The following AHNAK2 variants were observed in gnomAD, a reference collection of about 807,000 sequenced individuals.
AHNAK2 encodes protein AHNAK2.
AHNAK2 carries 18 observed loss-of-function variants against 30.7 expected under a neutral mutation model. The observed-to-expected ratio is 0.59, with a 90% CI of 0.41 to 0.87. The LOEUF is 0.87. Among genes scored for constraint, AHNAK2 ranks in the 40% least tolerant of loss-of-function variants. The pLI, the probability that AHNAK2 is intolerant of heterozygous loss-of-function variation, is 0.00. For synonymous variants in AHNAK2, 3,590 were observed against 3,073.8 expected (o/e 1.17, Z -5.56); for missense variants, 8,604 against 7,373.0 (o/e 1.17, Z -6.11).
Position 104,957,285 on chromosome 14 carries a change from A to C in AHNAK2, c.213+125T>G, listed in dbSNP as rs371769933. ...ACAGAGGAGTCTGAGAGGACATCTG[A>C]GTGGGCACTGCCCAGTGGGCAGCGG... On this transcript the variant is annotated intron_variant, in intron 3 of 6. Coordinates refer to ENST00000333244, the MANE Select transcript of AHNAK2 (RefSeq NM_138420.4). 6.0e-5 allele frequency: 52 copies of C among 867,714 alleles called. No individual in the cohort carries two copies. The African/African-American group carries it at 8.1e-4, about 14-fold the overall frequency. The allele number at this position is 867,714 out of a possible 1,614,324, so 53.8% of individuals were successfully genotyped here.
intron 1 of AHNAK2, among the ~76,000 whole-genome samples, 158 bp from the exon 2 acceptor site, chr14:104,957,830 T>C (rs1283620761): frequency 6.6e-6 from 1 of 152,270 alleles, no homozygotes; most frequent in South Asian, 2.1e-4. Context: ...GGAAGATCTA[T>C]AGCCAATGGG....
At position 104,968,186 on chromosome 14, in the gene AHNAK2, G is replaced by A. The variant is rs575284559; in HGVS notation, c.55+9997C>T. Among the ~76,000 whole-genome samples the A allele has an allele frequency of 7.9e-5, 12 of 152,322 alleles. No homozygotes were observed. The East Asian group carries it at 1.7e-3, about 22-fold the overall frequency. On this transcript the variant is annotated intron_variant, in intron 1 of 6. Transcript: ENST00000333244. ...TCAACACTACCATTAACATTCCTGC[G>A]GGTGAAAACTTGAACCTTGTGGAGG...
rs1297439627 is a variant in AHNAK2 at position 104,945,793 on chromosome 14, C to T, written c.9658G>A (p.Ala3220Thr). The T allele has an allele frequency of 6.4e-7, 1 of 1,561,094 alleles. No homozygotes were observed. The change falls in exon 7 of 7, where the codon GCT becomes ACT. Residue 3220 changes from alanine to threonine, a missense_variant. Transcript: ENST00000333244. ...KLPEGHVLEG[A>T]GLKGHLPKLQ... is the part of the protein sequence containing the mutation. ...TTGGGCAGGTGCCCTTTGAGGCCAG[C>T]TCCCTCGAGAACGTGGCCCTCTGGG...
Position 104,942,371 on chromosome 14 carries a change from G to T in AHNAK2, c.13080C>A (p.Gly4360=), listed in dbSNP as rs760579209. The change falls in exon 7 of 7, where the codon GGC becomes GGA. Residue 4360 remains glycine (G), a synonymous_variant. Transcript: ENST00000333244. The stretch of plus-strand genomic sequence containing the variant: ...CCTCTGGGAGTTTCACATCCTCTTG[G>T]CCAGCCTGGACCTCCAGATCAGCGG... ...PPSADLEVQA[G]QEDVKLPEGP... is the part of the protein sequence containing the mutation. The T allele has an allele frequency of 3.7e-6, 6 of 1,612,838 alleles. No homozygotes were observed. The highest frequency in any genetic ancestry group is 1.1e-5 in the South Asian group (1 of 91,064).
Position 104,943,002 on chromosome 14 carries a change from T to C in AHNAK2, c.12449A>G (p.Lys4150Arg), listed in dbSNP as rs756636819. Residue 4150 changes from lysine (K) to arginine (R), a missense_variant, in exon 7 of 7, where the codon AAG becomes AGG. Transcript: ENST00000333244. The stretch of plus-strand genomic sequence containing the variant: ...CACATCCACGGACGCCTCCATGGAC[T>C]TGCCTGGGGCCGACACCCCGAATGA... ...MPSFGVSAPG[K>R]SMEASVDVSE... 2 of 1,613,108 alleles carry C rather than the reference T, an allele frequency of 1.2e-6. No homozygotes were observed. Among genetic ancestry groups the C allele is most frequent in the African/African-American group, 2.7e-5 (2 of 74,736 alleles).
chr14:104,970,174 T>C (rs1482652704), intron 1 of AHNAK2, among the ~76,000 whole-genome samples: 1 of 152,140 alleles, frequency 6.6e-6, no homozygotes, highest in African/African-American at 2.4e-5. Context: ...CTTGGTGTCC[T>C]GCCACACACC....
At position 104,942,928 on chromosome 14, in the gene AHNAK2, C is replaced by T. The variant is rs767423130; in HGVS notation, c.12523G>A (p.Asp4175Asn). The T allele has an allele frequency of 4.3e-6, 7 of 1,613,110 alleles. No homozygotes were observed. The highest frequency in any genetic ancestry group is 1.3e-5 in the African/African-American group (1 of 74,722). The part of the protein sequence containing the change: ...ADVSLPSMQG[D>N]LKTTDLSIQS... ...ATGCTGAGGTCAGTGGTCTTGAGGT[C>T]CCCCTGCATGGAGGGGAGGCTCACG... Residue 4175 changes from aspartate (D) to asparagine (N), a missense_variant, in exon 7 of 7, where the codon GAC becomes AAC. Physicochemically the swap from Asp to Asn is conservative, Grantham distance 23 (BLOSUM62 1). Coordinates refer to ENST00000333244, the MANE Select transcript of AHNAK2 (RefSeq NM_138420.4).
Position 104,943,669 on chromosome 14 carries a change from C to A in AHNAK2, c.11782G>T (p.Glu3928Ter). 1 of 1,612,164 alleles carries A rather than the reference C, an allele frequency of 6.2e-7. No homozygotes were observed. Among genetic ancestry groups the A allele is most frequent in the Non-Finnish European group, 8.5e-7 (1 of 1,179,304 alleles). The change falls in exon 7 of 7, where the codon GAG becomes TAG. Residue 3928 changes from glutamate (E) to a stop codon, truncating the protein, a stop_gained. Coordinates refer to ENST00000333244, the MANE Select transcript of AHNAK2 (RefSeq NM_138420.4). LOFTEE classifies it low-confidence loss of function (END_TRUNC). ...ACCTCCACGCTGGGCAGAGAAACCT[C>A]CACATCAGGGGCTGTCACTTCCACC... The part of the protein sequence containing the change: ...PKVEVTAPDV[E>*]VSLPSVEVDV...
Position 104,946,716 on chromosome 14 carries a change from T to C in AHNAK2, c.8735A>G (p.Lys2912Arg), listed in dbSNP as rs534547213. Residue 2912 changes from lysine (K) to arginine (R), a missense_variant, in exon 7 of 7, where the codon AAG becomes AGG. By Grantham distance (26) the Lys-to-Arg change is conservative. Transcript: ENST00000333244. Reference protein sequence around the residue: ...PSFKMPKVDLKGPQIDVKGPK... With the variant: ...PSFKMPKVDLRGPQIDVKGPK... ...GCCCTTGACGTCTATCTGGGGGCCC[T>C]TGAGATCCACTTTGGGCATCTTGAA... 8.1e-6 allele frequency: 13 copies of C among 1,612,560 alleles called. No individual in the cohort carries two copies. In the East Asian group the frequency reaches 2.5e-4, roughly 31 times the overall value.
At position 104,940,765 on chromosome 14, in the gene AHNAK2, G is replaced by C. The variant is rs774438863; in HGVS notation, c.14686C>G (p.Leu4896Val). Residue 4896 changes from leucine to valine, a missense_variant, in exon 7 of 7, where the codon CTT (leucine) becomes GTT (valine). Leu to Val is a conservative substitution (Grantham distance 32, BLOSUM62 1). Transcript: ENST00000333244. This position sits in a 1 kb window ranked among gnomAD's most constrained non-coding sequence, Gnocchi z 4.4. Reference sequence around the variant, plus strand: ...CACTGCACTCTTTCTCCAGGGCTAAGAGGAGACATGACTGGGGCACCCACT... The same window carrying C: ...CACTGCACTCTTTCTCCAGGGCTAACAGGAGACATGACTGGGGCACCCACT... Reference protein sequence around the residue: ...AAVGAPVMSPLSPGERVQCPL... With the variant: ...AAVGAPVMSPVSPGERVQCPL... 8 of 1,612,992 alleles carry C rather than the reference G, an allele frequency of 5.0e-6. No individual in the cohort carries two copies. Among genetic ancestry groups the C allele is most frequent in the Non-Finnish European group, 6.8e-6 (8 of 1,179,886 alleles).
In AHNAK2 at chr14:104,950,373, C is replaced by T. The variant is rs750979596; in HGVS notation, c.5078G>A (p.Ser1693Asn). 117 of 1,586,352 alleles carry T rather than the reference C, an allele frequency of 7.4e-5. 9 individuals carry two copies. Among genetic ancestry groups the T allele is most frequent in the Non-Finnish European group, 9.5e-5 (110 of 1,162,808 alleles). Residue 1693 changes from serine to asparagine, a missense_variant, in exon 7 of 7, where the codon AGC becomes AAC. Physicochemically the swap from Ser to Asn is conservative, Grantham distance 46. Transcript: ENST00000333244. ...VSEPKVEADV[S>N]LPSMQGDLKT... is the part of the protein sequence containing the mutation. Reference sequence around the variant, plus strand: ...CAGGTCCCCCTGCATGGAGGGGAGGCTCACATCAGCTTCCACCTTCGGCTC... The same window carrying T: ...CAGGTCCCCCTGCATGGAGGGGAGGTTCACATCAGCTTCCACCTTCGGCTC...
rs1325862828 is a variant in AHNAK2, at chr14:104,946,761, G to A, written c.8690C>T (p.Pro2897Leu). ...CTTGAAACTGGGCATCTGCACCTTG[G>A]GCAGGTGCCCTTTGAGGCCGGCTCC... Reference protein sequence around the residue: ...PEGAGLKGHLPKVQMPSFKMP... With the variant: ...PEGAGLKGHLLKVQMPSFKMP... The change falls in exon 7 of 7, where the codon CCC (proline) becomes CTC (leucine). Residue 2897 changes from proline (P) to leucine (L), a missense_variant. By Grantham distance (98) the Pro-to-Leu change is moderately conservative. Coordinates refer to ENST00000333244, the MANE Select transcript of AHNAK2 (RefSeq NM_138420.4). The A allele has an allele frequency of 6.2e-7, 1 of 1,612,712 alleles. No homozygotes were observed.
At position 104,952,197 on chromosome 14, in the gene AHNAK2, TC is replaced by T; in HGVS notation, c.3253del (p.Glu1085ArgfsTer26). On this transcript the variant is annotated frameshift_variant, in exon 7 of 7. Coordinates refer to ENST00000333244, the MANE Select transcript of AHNAK2 (RefSeq NM_138420.4). LOFTEE classifies it low-confidence loss of function (END_TRUNC). ...TTTGGGCATCTTGAAACTGGGCATC[TC>T]CACCTTGGGCAAGTGCCCTTTAAGG... ...AGLKGHLPKVEMPSFKMPKVA... is the reference protein window; with the variant it reads ...AGLKGHLPKVXMPSFKMPKVA... 6.2e-7 allele frequency: 1 copy of T among 1,612,232 alleles called. No individual in the cohort carries two copies. Among genetic ancestry groups the T allele is most frequent in the Non-Finnish European group, 8.5e-7 (1 of 1,179,516 alleles).
chr14:104,968,507 A>G (rs1250459149), intron 1 of AHNAK2, among the ~76,000 whole-genome samples: 3 of 152,158 alleles, frequency 2.0e-5, no homozygotes, highest in Non-Finnish European at 4.4e-5. Context: ...GAGGACTCCC[A>G]CCAGCCACCA....
At position 104,945,411 on chromosome 14, in the gene AHNAK2, A is replaced by G. The variant is rs199795027; in HGVS notation, c.10040T>C (p.Met3347Thr). ...KAEADVSLPS[M>T]QGDLKTTDLS... ...GTCAGTGGTCTTGAGGTCCCCCTGC[A>G]TGGAGGGGAGGCTCACGTCGGCCTC... The change falls in exon 7 of 7, where the codon ATG becomes ACG. Residue 3347 changes from methionine to threonine, a missense_variant. Met to Thr is a moderately conservative substitution (Grantham distance 81). Transcript: ENST00000333244. 6.1e-5 allele frequency: 98 copies of G among 1,613,078 alleles called. No homozygotes were observed. Among genetic ancestry groups the G allele is most frequent in the African/African-American group, 5.6e-4 (42 of 74,794 alleles).
chr14:104,948,059 CCA>C lies in AHNAK2; in HGVS notation c.7390_7391del (p.Trp2464AlafsTer66), dbSNP rs1566908938. The stretch of plus-strand genomic sequence containing the variant: ...CCGCCACAGACAGGTCCCCCTCCAG[CCA>C]CGCACCATCCAGCTTGGCTCCCGGG... ...EAPGAKLDGA[W>X]LEGDLSVADK... On this transcript the variant is annotated frameshift_variant, in exon 7 of 7. Transcript: ENST00000333244. LOFTEE classifies it low-confidence loss of function (END_TRUNC). 4.3e-6 allele frequency: 7 copies of C among 1,613,056 alleles called. No individual in the cohort carries two copies. Among genetic ancestry groups the C allele is most frequent in the East Asian group, 2.2e-5 (1 of 44,838 alleles).
In AHNAK2 at chr14:104,953,337, A is replaced by C; in HGVS notation, c.2114T>G (p.Val705Gly). The C allele has an allele frequency of 6.2e-7, 1 of 1,612,960 alleles. No homozygotes were observed. Among genetic ancestry groups the C allele is most frequent in the Non-Finnish European group, 8.5e-7 (1 of 1,179,690 alleles). Residue 705 changes from valine to glycine, a missense_variant, in exon 7 of 7, where the codon GTG becomes GGG. Coordinates refer to ENST00000333244, the MANE Select transcript of AHNAK2 (RefSeq NM_138420.4). ...EASVDVSAPK[V>G]EADVSLLSMQ... is the part of the protein sequence containing the mutation. The stretch of plus-strand genomic sequence containing the variant: ...GGAGAGGAGGCTCACGTCGGCCTCC[A>C]CCTTCGGCGCAGACACATCCACCGA...
Position 104,948,931 on chromosome 14 carries a change from C to A in AHNAK2, c.6520G>T (p.Ala2174Ser), listed in dbSNP as rs201267408. 2 of 1,447,130 alleles carry A rather than the reference C, an allele frequency of 1.4e-6. No homozygotes were observed. Among genetic ancestry groups the A allele is most frequent in the Non-Finnish European group, 1.9e-6 (2 of 1,037,454 alleles). 89.6% of individuals were successfully genotyped at this position (1,447,130 alleles called of 1,614,324 possible). ...TTGGGTGGAGACACATCCACCGAGG[C>A]CTCGATGGACTTGCCTGGGGCAGAC... Reference protein sequence around the residue: ...GVSAPGKSIEASVDVSPPKVE... With the variant: ...GVSAPGKSIESSVDVSPPKVE... The change falls in exon 7 of 7, where the codon GCC becomes TCC. Residue 2174 changes from alanine to serine, a missense_variant. By Grantham distance (99) the Ala-to-Ser change is moderately conservative. Transcript: ENST00000333244.
rs1250676198 is a variant in AHNAK2, at chr14:104,948,090, T to C, written c.7361A>G (p.Glu2454Gly). 3.7e-6 allele frequency: 6 copies of C among 1,612,620 alleles called. 1 individual carries two copies. The African/African-American group carries it at 8.1e-5, about 22-fold the overall frequency. ...ACCATCCAGCTTGGCTCCCGGGGCC[T>C]CGACATCCACCTCCACGCTGGGCTG... Reference protein sequence around the residue: ...VSQPSVEVDVEAPGAKLDGAW... With the variant: ...VSQPSVEVDVGAPGAKLDGAW... Residue 2454 changes from glutamate (E) to glycine (G), a missense_variant, in exon 7 of 7, where the codon GAG (glutamate) becomes GGG (glycine). Coordinates refer to ENST00000333244, the MANE Select transcript of AHNAK2 (RefSeq NM_138420.4).
Sources: allele counts gnomAD v4.1 joint callset (sites outside exome capture counted in the v4.1 genomes callset), GRCh38; gene constraint gnomAD v4.1.1; non-coding constraint Gnocchi (gnomAD v3.1); transcripts MANE v1.5; gene names NCBI Gene and HGNC (gene_info 2026-07-23, HGNC 2026-07-21).